CPS1: variants seen among roughly 807,000 people sequenced by gnomAD.
CPS1 encodes the protein carbamoyl-phosphate synthase [ammonia], mitochondrial.
In CPS1, 109 loss-of-function variants were observed where a neutral mutation model predicts 174.6. The ratio of observed to expected loss-of-function variants is 0.62; its 90% confidence interval spans 0.53 to 0.73. The LOEUF (loss-of-function observed/expected upper bound fraction) is 0.73. Among genes scored for constraint, CPS1 ranks in the 30% least tolerant of loss-of-function variants. The probability of loss-of-function intolerance (pLI) is 0.00; values close to 1 mark genes in which losing one functional copy is unlikely to be tolerated. For missense variants in CPS1, 1,689 were observed against 1,821.9 expected, an observed-to-expected ratio of 0.93 and a Z score of 1.33; for synonymous variants, 637 against 632.0, an observed-to-expected ratio of 1.01 and a Z score of -0.12.
intron 36 of CPS1, 45 bp from the exon 37 acceptor site, chr2:210,676,961 TA>T: frequency 6.3e-7 from 1 of 1,590,752 alleles, no homozygotes; most frequent in South Asian, 1.1e-5. Context: ...ATAAACTAAC[TA>T]TAAAATATGC....
In CPS1 at chr2:210,678,216, C is replaced by G. The variant is rs1360136890; in HGVS notation, c.*231C>G. On this transcript the variant is annotated 3_prime_UTR_variant, in exon 38 of 38. Coordinates refer to ENST00000233072, the MANE Select transcript of CPS1 (RefSeq NM_001875.5). ...ATGAGATTTCATCCATTTACTAATA[C>G]TGTATTTTTGGTGGACTAGGCTTGC... 1.7e-6 allele frequency: 1 copy of G among 580,646 alleles called. No homozygotes were observed. The highest frequency in any genetic ancestry group is 3.1e-5 in the East Asian group (1 of 31,960). 36.0% of individuals were successfully genotyped at this position (580,646 alleles called of 1,614,324 possible).
At chr2:210,663,266 A>G in intron 33 of CPS1, 69 bp downstream of exon 33, 4 of 1,417,950 alleles carry the variant, frequency 2.8e-6, no homozygotes, top group Non-Finnish European at 4.0e-6. Context: ...TATGATTTGA[A>G]TACAGTAAAA....
intron 1 of CPS1, among the ~76,000 whole-genome samples, chr2:210,540,365 C>T (rs1387746987): frequency 1.3e-5 from 2 of 152,042 alleles, no homozygotes; most frequent in Non-Finnish European, 2.9e-5. Flanking sequence ...AATATTATTC[C>T]CACTGGTTCA....
chr2:210,638,908 G>A lies in CPS1; in HGVS notation c.2830-242G>A, dbSNP rs751181152. 5.8e-4 allele frequency among the ~76,000 whole-genome samples: 88 copies of A among 152,136 alleles called. 1 individual carries two copies. The highest frequency in any genetic ancestry group is 1.1e-3 in the Non-Finnish European group (77 of 68,030). On this transcript the variant is annotated intron_variant, in intron 22 of 37. Coordinates refer to ENST00000233072, the MANE Select transcript of CPS1 (RefSeq NM_001875.5). The stretch of plus-strand genomic sequence containing the variant: ...TAGGACCACTTTGCGATGTTCATGA[G>A]AGTTACTATTACTACTAGTGATCCA...
intron 6 of CPS1, among the ~76,000 whole-genome samples, chr2:210,585,813 T>C (rs1437067792): frequency 1.3e-5 from 2 of 151,772 alleles, no homozygotes; most frequent in East Asian, 1.9e-4. Context: ...AATGGTAAAA[T>C]ATGTGAATAT....
Position 210,588,890 on chromosome 2 carries a change from G to A in CPS1, c.711+743G>A, listed in dbSNP as rs145900946. Among the ~76,000 whole-genome samples the A allele has an allele frequency of 3.3e-5, 5 of 152,216 alleles. No homozygotes were observed. In the East Asian group the frequency reaches 9.7e-4, roughly 30 times the overall value. On this transcript the variant is annotated intron_variant, in intron 7 of 37. Transcript: ENST00000233072. ...TAACAAACATTTGCATGGATAGCAT[G>A]CATGGTAGCAGATGCTGTGGATGGC... is the stretch of plus-strand genomic sequence containing the variant.
rs1218362638 is a variant in CPS1 at position 210,608,399 on chromosome 2, G to A, written c.2231G>A (p.Gly744Glu). The A allele has an allele frequency of 6.2e-7, 1 of 1,612,176 alleles. No homozygotes were observed. The highest frequency in any genetic ancestry group is 8.5e-7 in the Non-Finnish European group (1 of 1,178,894). ...TTCATTGCTGCAAAGATTGCCCTAGGAATCCCACTTCCAGAAATTAAGAAC... is the reference window on the plus strand; with the variant it reads ...TTCATTGCTGCAAAGATTGCCCTAGAAATCCCACTTCCAGAAATTAAGAAC... The part of the protein sequence containing the change: ...LAFIAAKIAL[G>E]IPLPEIKNVV... The change falls in exon 19 of 38, where the codon GGA becomes GAA. Residue 744 changes from glycine to glutamate, a missense_variant. By Grantham distance (98) the Gly-to-Glu change is moderately conservative (BLOSUM62 -2). Coordinates refer to ENST00000233072, the MANE Select transcript of CPS1 (RefSeq NM_001875.5).
intron 6 of CPS1, 121 bp from the exon 7 acceptor site, chr2:210,587,937 A>G: frequency 2.3e-6 from 2 of 866,810 alleles, no homozygotes; most frequent in South Asian, 2.6e-5. Context: ...GTCACTCCCT[A>G]GTAGTTAACA....
At chr2:210,521,975 T>C (rs982239468) in intron 1 of CPS1, among the ~76,000 whole-genome samples, 8 of 151,996 alleles carry the variant, frequency 5.3e-5, no homozygotes, top group African/African-American at 1.7e-4. Flanking sequence ...CTTGCTCTTA[T>C]GACTTCTTAG....
intron 1 of CPS1, among the ~76,000 whole-genome samples, chr2:210,565,339 G>T (rs1318358038): frequency 2.0e-5 from 3 of 151,878 alleles, no homozygotes; most frequent in Non-Finnish European, 2.9e-5. Flanking sequence ...ATTTTTCACC[G>T]CTTATTTTAT....
chr2:210,616,640 A>G (rs2105866482), intron 21 of CPS1, 99 bp downstream of exon 21: 1 of 819,228 alleles, frequency 1.2e-6, no homozygotes. Context: ...TTGTGATTCA[A>G]TGAGGTAGAT....
chr2:210,591,203 C>A (rs1281037058), intron 9 of CPS1, among the ~76,000 whole-genome samples: 1 of 151,896 alleles, frequency 6.6e-6, no homozygotes, highest in Admixed American at 6.6e-5. Context: ...AGTTATTTTC[C>A]TTCCCTTGGC....
At chr2:210,591,631 C>A (rs527664489) in intron 9 of CPS1, among the ~76,000 whole-genome samples, 200 bp from the exon 10 acceptor site, 2 of 152,134 alleles carry the variant, frequency 1.3e-5, no homozygotes, top group East Asian at 1.9e-4. Context: ...TAACACACAA[C>A]AAAGCTTCCT....
chr2:210,534,625 G>T (rs969635051), intron 1 of CPS1, among the ~76,000 whole-genome samples: 2 of 152,174 alleles, frequency 1.3e-5, no homozygotes, highest in African/African-American at 4.8e-5. Flanking sequence ...ATGAGACATT[G>T]TAATGGGTTT....
intron 1 of CPS1, among the ~76,000 whole-genome samples, chr2:210,486,147 C>T (rs1694715947): frequency 7.5e-6 from 1 of 132,692 alleles, no homozygotes; most frequent in Non-Finnish European, 1.6e-5. Context: ...CACACACACA[C>T]ACACACACAC....
intron 1 of CPS1, among the ~76,000 whole-genome samples, chr2:210,503,645 A>T (rs920271720): frequency 6.6e-6 from 1 of 152,032 alleles, no homozygotes; most frequent in Non-Finnish European, 1.5e-5. Context: ...GTAGATAAAA[A>T]TTTTAGGAAT....
At chr2:210,503,224 G>T (rs1695193762) in intron 1 of CPS1, among the ~76,000 whole-genome samples, 1 of 152,154 alleles carries the variant, frequency 6.6e-6, no homozygotes, top group Admixed American at 6.5e-5. Flanking sequence ...GGACGGAGGA[G>T]ATTCTGGTTA....
intron 1 of CPS1, among the ~76,000 whole-genome samples, chr2:210,544,739 T>G (rs1375330547): frequency 6.6e-6 from 1 of 152,036 alleles, no homozygotes; most frequent in African/African-American, 2.4e-5. Flanking sequence ...ATTCTGCCAG[T>G]TAATTTAAAC....
intron 1 of CPS1, among the ~76,000 whole-genome samples, chr2:210,511,598 CAG>C (rs1695495068): frequency 6.6e-6 from 1 of 152,044 alleles, no homozygotes; most frequent in East Asian, 1.9e-4. Context: ...AAGAGAGACT[CAG>C]TATTCAAAGA....
Sources: gnomAD v4.1 joint callset for allele counts (sites outside exome capture counted in the v4.1 genomes callset) on GRCh38, gnomAD v4.1.1 for gene constraint, MANE v1.5 for transcripts, NCBI Gene and HGNC (gene_info 2026-07-23, HGNC 2026-07-21) for gene names.